PALB2: variants seen among roughly 807,000 people sequenced by gnomAD.
PALB2 encodes partner and localizer of BRCA2.
In PALB2, 82 loss-of-function variants were observed where a neutral mutation model predicts 107.4. That is an observed-to-expected ratio of 0.76 (90% CI 0.64 to 0.92). PALB2 has a LOEUF of 0.92. Among genes scored for constraint, PALB2 ranks in the 40% least tolerant of loss-of-function variants. The pLI is 0.00. For synonymous variants in PALB2, 489 were observed against 496.8 expected, an observed-to-expected ratio of 0.98 and a Z score of 0.21; for missense variants, 1,374 against 1,379.9, an observed-to-expected ratio of 1.00 and a Z score of 0.07.
intron 4 of PALB2, among the ~76,000 whole-genome samples, chr16:23,631,109 C>CAAAAAAAAA (rs58841030): frequency 6.0e-4 from 35 of 57,970 alleles, no homozygotes; most frequent in Non-Finnish European, 9.2e-4. Flanking sequence ...ACTAAAAATA[C>CAAAAAAAAA]AAAAAAAAAA....
chr16:23,636,390 A>C lies in PALB2; in HGVS notation c.212-56T>G. ...ATTTTTCTTATAAAATAAAACAAAAAATACTCATTTTTAACCTATTATATA... is the reference window on the plus strand; with the variant it reads ...ATTTTTCTTATAAAATAAAACAAAACATACTCATTTTTAACCTATTATATA... On this transcript the variant is annotated intron_variant, in intron 3 of 12. Transcript: ENST00000261584. 6 of 1,217,968 alleles carry C rather than the reference A, an allele frequency of 4.9e-6. No homozygotes were observed. In the South Asian group the frequency reaches 9.3e-5, roughly 19 times the overall value. The allele number at this position is 1,217,968 out of a possible 1,614,324, so 75.4% of individuals were successfully genotyped here.
chr16:23,614,713 G>A (rs1229271484), intron 10 of PALB2, among the ~76,000 whole-genome samples: 1 of 144,014 alleles, frequency 6.9e-6, no homozygotes, highest in Non-Finnish European at 1.5e-5. Context: ...TGCAGTGGCG[G>A]GATCTCGGCT....
rs1391272505 is a variant in PALB2 at position 23,635,287 on chromosome 16, T to C, written c.1259A>G (p.Gln420Arg). ...GACAGCCTCCACGGCTACTTTCCTC[T>C]GGCAATTGGACATGCTTCGTGTTGT... ...VRTTRSMSNC[Q>R]RKVAVEAVIQ... is the part of the protein sequence containing the mutation. The change falls in exon 4 of 13, where the codon CAG (glutamine) becomes CGG (arginine). Residue 420 changes from glutamine (Q) to arginine (R), a missense_variant. Transcript: ENST00000261584. The C allele has an allele frequency of 6.2e-7, 1 of 1,614,178 alleles. No homozygotes were observed. Among genetic ancestry groups the C allele is most frequent in the Non-Finnish European group, 8.5e-7 (1 of 1,180,036 alleles).
chr16:23,608,797 T>TACACACACACAC (rs1310999089), intron 11 of PALB2, among the ~76,000 whole-genome samples: 68 of 111,382 alleles, frequency 6.1e-4, no homozygotes, highest in Admixed American at 1.7e-3. Context: ...TGTGTGTATA[T>TACACACACACAC]ATATACACAC....
chr16:23,634,439 C>G (rs1016112085), intron 4 of PALB2, among the ~76,000 whole-genome samples: 4 of 152,046 alleles, frequency 2.6e-5, no homozygotes, highest in Admixed American at 2.6e-4. Context: ...TGTTTGAGGC[C>G]AGGAGTTCAA....
chr16:23,628,422 C>G (rs911619247), intron 6 of PALB2, among the ~76,000 whole-genome samples: 2 of 152,142 alleles, frequency 1.3e-5, no homozygotes, highest in African/African-American at 2.4e-5. Context: ...CAGTGATTCT[C>G]TGGGAGAGCT....
rs1567212918 is a variant in PALB2, at chr16:23,621,427, A to C, written c.3048T>G (p.Phe1016Leu). 1.2e-6 allele frequency: 2 copies of C among 1,614,154 alleles called. No homozygotes were observed. Among genetic ancestry groups the C allele is most frequent in the South Asian group, 2.2e-5 (2 of 91,082 alleles). The stretch of plus-strand genomic sequence containing the variant: ...CTTCTTGCATCCCTTGGACCTCAGC[A>C]AAAGTTAGTATAGTCTCCTCAGGGG... ...LMPPEETILT[F>L]AEVQGMQEAL... Residue 1016 changes from phenylalanine (F) to leucine (L), a missense_variant, in exon 10 of 13, where the codon TTT becomes TTG. Physicochemically the swap from Phe to Leu is conservative, Grantham distance 22. Transcript: ENST00000261584.
chr16:23,622,404 T>C (rs1001472062), intron 9 of PALB2, among the ~76,000 whole-genome samples: 7 of 152,220 alleles, frequency 4.6e-5, no homozygotes, highest in Admixed American at 3.9e-4. Context: ...TGTGTGTGTG[T>C]GTGTGTTTAA....
At chr16:23,615,831 A>G (rs372842525) in intron 10 of PALB2, among the ~76,000 whole-genome samples, 1 of 151,252 alleles carries the variant, frequency 6.6e-6, no homozygotes, top group African/African-American at 2.4e-5. Flanking sequence ...CACCCAGCTA[A>G]TTTTTGTATT....
At position 23,607,469 on chromosome 16, in the gene PALB2, T is replaced by A. The variant is rs185838334; in HGVS notation, c.3350+395A>T. On this transcript the variant is annotated intron_variant, in intron 12 of 12. Transcript: ENST00000261584. ...ATGTTTGGCTAATATATATATATATTTTTTTTGGTAGAGACTGGGTCTTGC... is the reference window on the plus strand; with the variant it reads ...ATGTTTGGCTAATATATATATATATATTTTTTGGTAGAGACTGGGTCTTGC... 1,797 of 265,068 alleles carry A rather than the reference T, an allele frequency of 6.8e-3. 31 individuals are homozygous for A. The highest frequency in any genetic ancestry group is 0.033 in the African/African-American group (1,502 of 45,440). The allele number at this position is 265,068 out of a possible 1,614,324, so 16.4% of individuals were successfully genotyped here. A position where few individuals can be genotyped will look rare whatever the true frequency, so the allele number is the denominator to read the frequency against.
intron 10 of PALB2, among the ~76,000 whole-genome samples, chr16:23,614,815 T>C (rs1966653861): frequency 6.6e-6 from 1 of 151,260 alleles, no homozygotes; most frequent in Admixed American, 6.6e-5. Context: ...TACGCCCGGC[T>C]AATTTTTTGT....
At chr16:23,617,557 A>T (rs980946618) in intron 10 of PALB2, 16 of 146,770 alleles carry the variant, frequency 1.1e-4, no homozygotes, top group African/African-American at 3.4e-4. Context: ...CTGTCTCTAC[A>T]AAAAAAAATT....
chr16:23,620,774 C>CA (rs1457045747), intron 10 of PALB2, among the ~76,000 whole-genome samples: 3 of 152,044 alleles, frequency 2.0e-5, no homozygotes, highest in Non-Finnish European at 4.4e-5. Context: ...TAGTATCTGA[C>CA]AAAAAAACCA....
At chr16:23,625,049 C>T (rs1966839319) in intron 7 of PALB2, among the ~76,000 whole-genome samples, 1 of 152,090 alleles carries the variant, frequency 6.6e-6, no homozygotes, top group East Asian at 1.9e-4. Context: ...AAACCCGTCT[C>T]TAGGCTGGGT....
chr16:23,610,709 A>G (rs755551439), intron 11 of PALB2, among the ~76,000 whole-genome samples: 4 of 152,090 alleles, frequency 2.6e-5, no homozygotes, highest in Non-Finnish European at 5.9e-5. Context: ...TTGATGTTGT[A>G]ATATAAAAGG....
intron 1 of PALB2, among the ~76,000 whole-genome samples, chr16:23,639,103 G>A (rs1967137716): frequency 1.3e-5 from 2 of 152,124 alleles, no homozygotes; most frequent in South Asian, 4.1e-4. Flanking sequence ...TGGCTTCTTT[G>A]CTTCAAAGGA....
chr16:23,633,754 A>C (rs1597094207), intron 4 of PALB2, among the ~76,000 whole-genome samples: 1 of 151,976 alleles, frequency 6.6e-6, no homozygotes, highest in East Asian at 1.9e-4. Context: ...CCCAGACTGG[A>C]GTGCAGTGGT....
chr16:23,638,634 C>T (rs931170419), intron 1 of PALB2: 3 of 436,674 alleles, frequency 6.9e-6, no homozygotes, highest in African/African-American at 2.0e-5. Flanking sequence ...AATTAGTGCT[C>T]CAGATGCTAT....
chr16:23,618,357 T>C (rs1287127912), intron 10 of PALB2, among the ~76,000 whole-genome samples: 1 of 152,062 alleles, frequency 6.6e-6, no homozygotes, highest in Non-Finnish European at 1.5e-5. Flanking sequence ...TGACCTCTTA[T>C]ATACGAAATG....
Sources: allele counts gnomAD v4.1 joint callset (sites outside exome capture counted in the v4.1 genomes callset), GRCh38; gene constraint gnomAD v4.1.1; transcripts MANE v1.5; gene names NCBI Gene and HGNC (gene_info 2026-07-23, HGNC 2026-07-21).